The following ST3GAL4 variants were observed in gnomAD, a reference collection of about 807,000 sequenced individuals.
ST3GAL4 encodes the protein CMP-N-acetylneuraminate-beta-galactosamide-alpha-2,3-sialyltransferase 4.
In ST3GAL4, 24 loss-of-function variants were observed where a neutral mutation model predicts 42.6. The observed-to-expected ratio is 0.56, with a 90% CI of 0.41 to 0.79. The LOEUF (loss-of-function observed/expected upper bound fraction) is 0.79. Ranked by LOEUF, ST3GAL4 falls within the 30% of genes least tolerant of loss-of-function variation. The pLI, the probability that ST3GAL4 is intolerant of heterozygous loss-of-function variation, is 0.00. For synonymous variants in ST3GAL4, 135 were observed against 163.2 expected (o/e 0.83, Z 1.32); for missense variants, 311 against 430.8 (o/e 0.72, Z 2.46).
At position 126,406,294 on chromosome 11, in the gene ST3GAL4, A is replaced by G; in HGVS notation, c.16+123A>G. Reference sequence around the variant, plus strand: ...CAGGGAGCCAGGGGCCCTTCTCTTCATCTTGAAGGACAGTGGGTACAATCA... The same window carrying G: ...CAGGGAGCCAGGGGCCCTTCTCTTCGTCTTGAAGGACAGTGGGTACAATCA... On this transcript the variant is annotated intron_variant, in intron 2 of 10. Transcript: ENST00000444328. This position sits in a 1 kb window ranked among gnomAD's most constrained non-coding sequence, Gnocchi z 5.4. The G allele has an allele frequency of 6.5e-7, 1 of 1,543,970 alleles. No homozygotes were observed. Among genetic ancestry groups the G allele is most frequent in the East Asian group, 2.4e-5 (1 of 40,916 alleles).
At position 126,363,160 on chromosome 11, in the gene ST3GAL4, C is replaced by T. The variant is rs1952304302; in HGVS notation, c.-61+7318C>T. On this transcript the variant is annotated intron_variant, in intron 1 of 10. Coordinates refer to ENST00000444328, the MANE Select transcript of ST3GAL4 (RefSeq NM_001254757.2). The surrounding 1 kb of genome is among the most constrained non-coding windows in gnomAD (Gnocchi z 4.6). ...GAGTATGGGAGATTGTCCTCACAGG[C>T]AGTGTGGGCCGTTTCTCTAGACCTC... 6.6e-6 allele frequency among the ~76,000 whole-genome samples: 1 copy of T among 152,214 alleles called. No homozygotes were observed. Among genetic ancestry groups the T allele is most frequent in the African/African-American group, 2.4e-5 (1 of 41,464 alleles).
intron 1 of ST3GAL4, among the ~76,000 whole-genome samples, chr11:126,362,350 C>T (rs1042138841): frequency 3.3e-5 from 5 of 151,860 alleles, no homozygotes; most frequent in African/African-American, 1.2e-4. Flanking sequence ...TAGGTGCCCA[C>T]CATCACACCC....
chr11:126,390,618 C>CTTTTTTTTTTTTTTTT (rs58153137), intron 1 of ST3GAL4, among the ~76,000 whole-genome samples: 57 of 126,642 alleles, frequency 4.5e-4, no homozygotes, highest in East Asian at 9.1e-4. Flanking sequence ...GTGTTCTTTG[C>CTTTTTTTTTTTTTTTT]TTTTTTTTTT....
rs1234846058 is a variant in ST3GAL4 at position 126,378,868 on chromosome 11, T to A, written c.-61+23026T>A. Among the ~76,000 whole-genome samples, 1 of 152,228 alleles carries A rather than the reference T, an allele frequency of 6.6e-6. No individual in the cohort carries two copies. Among genetic ancestry groups the A allele is most frequent in the Non-Finnish European group, 1.5e-5 (1 of 68,036 alleles). On this transcript the variant is annotated intron_variant, in intron 1 of 10. Transcript: ENST00000444328. This position sits in a 1 kb window ranked among gnomAD's most constrained non-coding sequence, Gnocchi z 5.3. The stretch of plus-strand genomic sequence containing the variant: ...TGGTCATGTTCAGATTTTATATATG[T>A]GTCTCATGTAGGAATCTAGTCTTCA...
intron 4 of ST3GAL4, 21 bp downstream of exon 4, chr11:126,407,044 A>G: frequency 1.2e-6 from 2 of 1,606,054 alleles, no homozygotes; most frequent in Non-Finnish European, 1.7e-6. Context: ...AAGGATGAGG[A>G]GGGTAGAGCA....
At chr11:126,407,048 T>TA (rs1182684640) in intron 4 of ST3GAL4, 25 bp downstream of exon 4, 1 of 1,605,746 alleles carries the variant, frequency 6.2e-7, no homozygotes, top group African/African-American at 1.3e-5. Flanking sequence ...ATGAGGAGGG[T>TA]AGAGCAGGGC....
chr11:126,380,585 GT>G, intron 1 of ST3GAL4, among the ~76,000 whole-genome samples: 1 of 152,224 alleles, frequency 6.6e-6, no homozygotes, highest in Non-Finnish European at 1.5e-5. Flanking sequence ...GCTAATTTTA[GT>G]TTTGTGATAC....
rs150133040 is a variant in ST3GAL4 at position 126,408,113 on chromosome 11, G to A, written c.356G>A (p.Arg119His). The stretch of plus-strand genomic sequence containing the variant: ...TTCTATGGCAGCCTCAGGTGCCGCC[G>A]CTGTGTGGTCGTGGGGAACGGGCAC... Reference protein sequence around the residue: ...PKNIQSLRCRRCVVVGNGHRL... With the variant: ...PKNIQSLRCRHCVVVGNGHRL... Residue 119 changes from arginine to histidine, a missense_variant, in exon 7 of 11, where the codon CGC (arginine) becomes CAC (histidine). Transcript: ENST00000444328. 8.1e-6 allele frequency: 13 copies of A among 1,613,826 alleles called. No individual in the cohort carries two copies. Among genetic ancestry groups the A allele is most frequent in the African/African-American group, 5.3e-5 (4 of 74,896 alleles).
At chr11:126,407,774 C>A in intron 6 of ST3GAL4, 140 bp downstream of exon 6, 2 of 978,192 alleles carry the variant, frequency 2.0e-6, no homozygotes, top group Non-Finnish European at 3.0e-6. Flanking sequence ...GGTAGCCTAG[C>A]CTGGGCATCT....
intron 1 of ST3GAL4, among the ~76,000 whole-genome samples, chr11:126,357,284 A>T (rs1952103867): frequency 6.6e-6 from 1 of 152,176 alleles, no homozygotes. Flanking sequence ...GGGCTCTGTC[A>T]AGACATGGGG....
At chr11:126,408,057 T>C (rs1257736515) in intron 6 of ST3GAL4, 42 bp from the exon 7 acceptor site, 1 of 1,601,852 alleles carries the variant, frequency 6.2e-7, no homozygotes, top group African/African-American at 1.3e-5. Context: ...GAGCCTGGGT[T>C]AGAGTGTGGG....
In ST3GAL4 at chr11:126,409,897, G is replaced by C. The variant is rs1209001855; in HGVS notation, c.771+486G>C. On this transcript the variant is annotated intron_variant, in intron 9 of 10. Coordinates refer to ENST00000444328, the MANE Select transcript of ST3GAL4 (RefSeq NM_001254757.2). The surrounding 1 kb of genome is among the most constrained non-coding windows in gnomAD (Gnocchi z 4.9). ...TCAGGGAGTCAATGTAGTTTTGCAA[G>C]TTATGGGTTTTTGTTTTGTTTTAAA... 6.6e-6 allele frequency among the ~76,000 whole-genome samples: 1 copy of C among 152,132 alleles called. No individual in the cohort carries two copies. The highest frequency in any genetic ancestry group is 1.5e-5 in the Non-Finnish European group (1 of 68,028).
rs1858501120 is a variant in ST3GAL4, at chr11:126,410,177, G to T, written c.771+766G>T. On this transcript the variant is annotated intron_variant, in intron 9 of 10. Coordinates refer to ENST00000444328, the MANE Select transcript of ST3GAL4 (RefSeq NM_001254757.2). This position sits in a 1 kb window ranked among gnomAD's most constrained non-coding sequence, Gnocchi z 5.3. ...GTGTCTCAGCCTCCCAAAATGCCGG[G>T]ATTACAGGTGTAAGGCACTGTGTCT... Among the ~76,000 whole-genome samples the T allele has an allele frequency of 6.6e-6, 1 of 152,200 alleles. No individual in the cohort carries two copies. The highest frequency in any genetic ancestry group is 1.5e-5 in the Non-Finnish European group (1 of 68,042).
chr11:126,402,769 T>C (rs1954062244), intron 1 of ST3GAL4, among the ~76,000 whole-genome samples: 2 of 152,186 alleles, frequency 1.3e-5, no homozygotes, highest in South Asian at 4.1e-4. Context: ...TGGGCCTTAT[T>C]TCTTCACCTT....
intron 1 of ST3GAL4, among the ~76,000 whole-genome samples, chr11:126,401,403 A>C (rs1279593564): frequency 1.3e-5 from 2 of 152,014 alleles, no homozygotes; most frequent in Non-Finnish European, 2.9e-5. Flanking sequence ...CCCCGTCTCT[A>C]CTAAACATAC....
Position 126,384,456 on chromosome 11 carries a change from AGT to A in ST3GAL4, c.-60-21635_-60-21634del, listed in dbSNP as rs1953135974. 6.6e-6 allele frequency among the ~76,000 whole-genome samples: 1 copy of A among 151,758 alleles called. No homozygotes were observed. Among genetic ancestry groups the A allele is most frequent in the Non-Finnish European group, 1.5e-5 (1 of 67,962 alleles). The stretch of plus-strand genomic sequence containing the variant: ...ATTTTGGGGTACTGGGTTTGGATAG[AGT>A]GTGTCATCTGCAGAGGCAGCACTGT... On this transcript the variant is annotated intron_variant, in intron 1 of 10. Transcript: ENST00000444328. This position sits in a 1 kb window ranked among gnomAD's most constrained non-coding sequence, Gnocchi z 5.5.
rs1277718051 is a variant in ST3GAL4 at position 126,384,892 on chromosome 11, C to G, written c.-60-21204C>G. 1.0e-6 allele frequency: 1 copy of G among 985,246 alleles called. No homozygotes were observed. Among genetic ancestry groups the G allele is most frequent in the Non-Finnish European group, 1.2e-6 (1 of 829,918 alleles). 61.0% of individuals were successfully genotyped at this position (985,246 alleles called of 1,614,324 possible). ...TGGTGGGGGCAGTGGCTGAGGACCC[C>G]TCTCTTTGCTGGGCTGGGACAGAGC... On this transcript the variant is annotated intron_variant, in intron 1 of 10. Coordinates refer to ENST00000444328, the MANE Select transcript of ST3GAL4 (RefSeq NM_001254757.2). The surrounding 1 kb of genome is among the most constrained non-coding windows in gnomAD (Gnocchi z 5.5).
chr11:126,360,735 T>A (rs936956941), intron 1 of ST3GAL4, among the ~76,000 whole-genome samples: 19 of 152,214 alleles, frequency 1.2e-4, no homozygotes, highest in African/African-American at 4.3e-4. Flanking sequence ...CGTGTCTGTC[T>A]TGTTCACTGG....
chr11:126,377,745 G>A (rs1952874308), intron 1 of ST3GAL4, among the ~76,000 whole-genome samples: 1 of 152,154 alleles, frequency 6.6e-6, no homozygotes, highest in South Asian at 2.1e-4. Flanking sequence ...CAAAGTGCTG[G>A]GATTATAGGC....
Sources: gnomAD v4.1 joint callset for allele counts (sites outside exome capture counted in the v4.1 genomes callset) on GRCh38, gnomAD v4.1.1 for gene constraint, Gnocchi (gnomAD v3.1) non-coding constraint, MANE v1.5 for transcripts, NCBI Gene and HGNC (gene_info 2026-07-23, HGNC 2026-07-21) for gene names.